Variants in ABCB7 observed in about 807,000 individuals in gnomAD.
The protein encoded by ABCB7 is ATP binding cassette subfamily B member 7, also known as iron-sulfur clusters transporter ABCB7, mitochondrial.
In ABCB7, 7 loss-of-function variants were observed where a neutral mutation model predicts 54.4. That is an observed-to-expected ratio of 0.13 (90% CI 0.07 to 0.24). The LOEUF is 0.24. Among genes scored for constraint, ABCB7 ranks in the 10% least tolerant of loss-of-function variants. The pLI is 1.00. For synonymous variants in ABCB7, 218 were observed against 207.1 expected (o/e 1.05, Z -0.45); for missense variants, 356 against 570.4 (o/e 0.62, Z 3.83).
chrX:75,115,419 T>TC, intron 1 of ABCB7, among the ~76,000 whole-genome samples: 1 of 88,884 alleles, frequency 1.1e-5, no homozygotes, highest in African/African-American at 4.3e-5. Context: ...TCTTTTTTTT[T>TC]TTTTTTTTTT....
rs765593078 is a variant in ABCB7, at chrX:75,075,364, A to T, written c.853T>A (p.Leu285Met). ...GTTATGAAAAATGTTTAACTTACCA[A>T]AACACCACTGACAAGCATCACTTCA... ...MFEVMLVSGV[L>M]YYKCGAQFAL... The change falls in exon 6 of 16, where the codon TTG (leucine) becomes ATG (methionine). Residue 285 changes from leucine (L) to methionine (M), a missense_variant and splice_region_variant. Leu to Met is a conservative substitution (Grantham distance 15). This residue lies in a region of ABCB7 where 241 missense variants were observed against 470.9 expected (regional missense o/e 0.51). Transcript: ENST00000373394. 8.3e-7 allele frequency: 1 copy of T among 1,210,780 alleles called. No individual in the cohort carries two copies. The highest frequency in any genetic ancestry group is 2.2e-5 in the Admixed American group (1 of 45,934).
At chrX:75,122,335 A>G (rs1435552923) in intron 1 of ABCB7, among the ~76,000 whole-genome samples, 1 of 108,633 alleles carries the variant, frequency 9.2e-6, no homozygotes, top group Non-Finnish European at 1.9e-5. Flanking sequence ...TCGGGAAGTT[A>G]CCCTATGTGG....
At chrX:75,099,812 C>T (rs763374910) in intron 3 of ABCB7, among the ~76,000 whole-genome samples, 202 of 109,047 alleles carry the variant, frequency 1.9e-3, no homozygotes, top group Middle Eastern at 4.7e-3. Context: ...AAAACAATCC[C>T]CATTTAAACA....
intron 1 of ABCB7, among the ~76,000 whole-genome samples, chrX:75,145,058 C>G (rs1440328119): frequency 9.0e-6 from 1 of 110,615 alleles, no homozygotes; most frequent in African/African-American, 3.3e-5. Flanking sequence ...AATCCCTGAA[C>G]AGACCAATAA....
intron 10 of ABCB7, 71 bp downstream of exon 10, chrX:75,070,294 A>C (rs1338368898): frequency 2.8e-6 from 3 of 1,056,955 alleles, no homozygotes; most frequent in Non-Finnish European, 3.9e-6. Context: ...ATGTAGGAAT[A>C]TTCCTAGAAT....
rs186542105 is a variant in ABCB7, at chrX:75,113,899, C to T, written c.246+855G>A. The stretch of plus-strand genomic sequence containing the variant: ...AAAGCACTTTGTAAAAGGAAAACAT[C>T]AAAAGGTAATTCCTGGTCTGACAAT... On this transcript the variant is annotated intron_variant, in intron 2 of 15. Coordinates refer to ENST00000373394, the MANE Select transcript of ABCB7 (RefSeq NM_001271696.3). Among the ~76,000 whole-genome samples the T allele has an allele frequency of 4.5e-5, 5 of 111,968 alleles. No homozygotes were observed. In the East Asian group the frequency reaches 1.4e-3, roughly 31 times the overall value.
chrX:75,132,765 C>T (rs1216894525), intron 1 of ABCB7, among the ~76,000 whole-genome samples: 2 of 112,404 alleles, frequency 1.8e-5, no homozygotes, highest in African/African-American at 6.5e-5. Flanking sequence ...GCTATGAAAC[C>T]AAGAACAAGA....
At chrX:75,131,760 C>A (rs7053375) in intron 1 of ABCB7, among the ~76,000 whole-genome samples, 1,443 of 111,530 alleles carry the variant, frequency 0.013, 17 homozygotes, top group African/African-American at 0.045. Context: ...CAGGTCCCTG[C>A]CCCTACTACT....
At chrX:75,150,796 C>G (rs4148834) in intron 1 of ABCB7, among the ~76,000 whole-genome samples, 1 of 111,539 alleles carries the variant, frequency 9.0e-6, no homozygotes, top group Non-Finnish European at 1.9e-5. Context: ...GACAACAATA[C>G]AGCAATAAAT....
At chrX:75,065,476 A>G (rs1056286664) in intron 12 of ABCB7, among the ~76,000 whole-genome samples, 4 of 111,131 alleles carry the variant, frequency 3.6e-5, no homozygotes, top group Admixed American at 9.6e-5. Context: ...ACCTAAACAT[A>G]TGTTTCTTTC....
chrX:75,085,128 C>T (rs764168203), intron 4 of ABCB7, among the ~76,000 whole-genome samples: 16 of 112,204 alleles, frequency 1.4e-4, no homozygotes, highest in Middle Eastern at 4.6e-3. Flanking sequence ...CAGGTTCACA[C>T]AAAAACCTGT....
intron 1 of ABCB7, 31 bp downstream of exon 1, chrX:75,156,074 A>C: frequency 1.7e-6 from 2 of 1,206,903 alleles, no homozygotes; most frequent in African/African-American, 3.5e-5. Context: ...CTTGCCCTTC[A>C]CCCTATTCTT....
Position 75,073,716 on chromosome X carries a change from G to A in ABCB7, c.1005C>T (p.Asp335=). ...TCACAGTTTCATAATTCAGCAGTGA[G>A]TCTATAGCAGCATTACCTGCATCAT... ...ADNDAGNAAI[D]SLLNYETVKY... Residue 335 remains aspartate, a synonymous_variant, in exon 8 of 16, where the codon GAC becomes GAT. Coordinates refer to ENST00000373394, the MANE Select transcript of ABCB7 (RefSeq NM_001271696.3). 1.7e-6 allele frequency: 2 copies of A among 1,203,161 alleles called. No individual in the cohort carries two copies. The highest frequency in any genetic ancestry group is 2.3e-6 in the Non-Finnish European group (2 of 887,826).
At chrX:75,138,042 A>ATTTTTTTTT (rs2082024102) in intron 1 of ABCB7, among the ~76,000 whole-genome samples, 1 of 112,226 alleles carries the variant, frequency 8.9e-6, no homozygotes, top group Admixed American at 9.4e-5. Context: ...AGAAAAAAAT[A>ATTTTTTTTT]AAAACATCTT....
At chrX:75,130,786 A>C (rs978746800) in intron 1 of ABCB7, among the ~76,000 whole-genome samples, 1 of 111,821 alleles carries the variant, frequency 8.9e-6, no homozygotes, top group African/African-American at 3.3e-5. Flanking sequence ...TACAAGGGAG[A>C]ATCAGTACCT....
At chrX:75,122,015 T>C (rs779040260) in intron 1 of ABCB7, among the ~76,000 whole-genome samples, 17 of 110,823 alleles carry the variant, frequency 1.5e-4, no homozygotes, top group Non-Finnish European at 2.5e-4. Flanking sequence ...AGGGTTCTCT[T>C]ATAAAAGGGA....
At chrX:75,152,205 C>T (rs1266690252) in intron 1 of ABCB7, among the ~76,000 whole-genome samples, 1 of 112,251 alleles carries the variant, frequency 8.9e-6, no homozygotes, top group Non-Finnish European at 1.9e-5. Flanking sequence ...ACATTTGTGT[C>T]CCCCTAAAAT....
intron 12 of ABCB7, among the ~76,000 whole-genome samples, chrX:75,066,169 T>C (rs1045465879): frequency 3.6e-5 from 4 of 111,707 alleles, no homozygotes; most frequent in Non-Finnish European, 7.5e-5. Context: ...TTACTTCAAG[T>C]GAGCATCCAT....
intron 10 of ABCB7, 116 bp downstream of exon 10, chrX:75,070,249 C>T (rs867141625): frequency 2.4e-5 from 19 of 775,954 alleles, no homozygotes; most frequent in African/African-American, 4.1e-5. Context: ...CTGACAATTC[C>T]TGCAAGTAAA....
Sources: gnomAD v4.1 joint callset for allele counts (sites outside exome capture counted in the v4.1 genomes callset) on GRCh38, gnomAD v4.1.1 for gene constraint, gnomAD v4.1.1 regional missense constraint, MANE v1.5 for transcripts, NCBI Gene and HGNC (gene_info 2026-07-23, HGNC 2026-07-21) for gene names.